Variants in TC2N observed in about 807,000 individuals in gnomAD.
The protein encoded by TC2N is tandem C2 domains, nuclear.
Under a neutral mutation model 61.9 loss-of-function variants are expected in TC2N, and 51 were observed. The ratio of observed to expected loss-of-function variants is 0.82; its 90% confidence interval spans 0.66 to 1.04. The LOEUF (loss-of-function observed/expected upper bound fraction) is 1.04. TC2N is among the 50% of genes least tolerant of loss of function. The pLI is 0.00. For missense variants in TC2N, 556 were observed against 566.7 expected (o/e 0.98, Z 0.19); for synonymous variants, 204 against 192.6 (o/e 1.06, Z -0.49).
At chr14:91,828,297 C>T (rs1026143176) in intron 1 of TC2N, among the ~76,000 whole-genome samples, 1 of 152,012 alleles carries the variant, frequency 6.6e-6, no homozygotes, top group Non-Finnish European at 1.5e-5. Flanking sequence ...AACTCATAGT[C>T]AAACTTTTTT....
At chr14:91,835,108 C>T (rs908614591) in intron 1 of TC2N, among the ~76,000 whole-genome samples, 2 of 152,244 alleles carry the variant, frequency 1.3e-5, no homozygotes, top group Middle Eastern at 3.4e-3. Flanking sequence ...AATTATAATT[C>T]ATATGAAGTC....
At chr14:91,860,318 A>T (rs1566792067) in intron 1 of TC2N, among the ~76,000 whole-genome samples, 2 of 147,348 alleles carry the variant, frequency 1.4e-5, no homozygotes, top group Non-Finnish European at 3.0e-5. Context: ...GAAGGGGGGA[A>T]ATCATTTCCT....
intron 9 of TC2N, among the ~76,000 whole-genome samples, chr14:91,791,042 A>AG (rs1283355553): frequency 6.6e-6 from 1 of 151,058 alleles, no homozygotes; most frequent in East Asian, 1.9e-4. Context: ...CTGACATGGG[A>AG]GGATTGCTTG....
chr14:91,824,950 G>A (rs186737828), intron 1 of TC2N, among the ~76,000 whole-genome samples: 2 of 151,920 alleles, frequency 1.3e-5, no homozygotes, highest in African/African-American at 4.8e-5. Flanking sequence ...TAGTTAGCAG[G>A]TGAACTGTGA....
chr14:91,836,448 G>C (rs1595269747), intron 1 of TC2N: 1 of 152,336 alleles, frequency 6.6e-6, no homozygotes, highest in East Asian at 1.9e-4. Flanking sequence ...GCCGCGCCTC[G>C]AGGTCCTGCC....
At chr14:91,821,442 C>A (rs914837136) in intron 1 of TC2N, among the ~76,000 whole-genome samples, 2 of 151,620 alleles carry the variant, frequency 1.3e-5, no homozygotes, top group Non-Finnish European at 2.9e-5. Flanking sequence ...TATCCACATG[C>A]CCTTCCCACA....
At chr14:91,823,861 T>G (rs1437762011) in intron 1 of TC2N, among the ~76,000 whole-genome samples, 1 of 152,208 alleles carries the variant, frequency 6.6e-6, no homozygotes, top group African/African-American at 2.4e-5. Flanking sequence ...ACTTAACCTT[T>G]TTAACCTTCA....
chr14:91,865,887 A>G (rs1201565380), intron 1 of TC2N, among the ~76,000 whole-genome samples: 1 of 152,276 alleles, frequency 6.6e-6, no homozygotes, highest in East Asian at 1.9e-4. Flanking sequence ...TTAAAAAGTT[A>G]TTAAAGTTTT....
chr14:91,838,340 C>A (rs1476357164), intron 1 of TC2N, among the ~76,000 whole-genome samples: 1 of 151,936 alleles, frequency 6.6e-6, no homozygotes, highest in African/African-American at 2.4e-5. Flanking sequence ...GAGACAGGGT[C>A]ATGCTTTGCT....
At chr14:91,788,284 T>C (rs1412812323) in intron 9 of TC2N, among the ~76,000 whole-genome samples, 2 of 152,202 alleles carry the variant, frequency 1.3e-5, no homozygotes, top group Non-Finnish European at 2.9e-5. Context: ...TGTTCTTCAG[T>C]ACTGCTGACC....
intron 1 of TC2N, among the ~76,000 whole-genome samples, chr14:91,821,178 T>C (rs1044120050): frequency 1.3e-4 from 20 of 151,548 alleles, no homozygotes; most frequent in Non-Finnish European, 2.5e-4. Flanking sequence ...AAAACAATCT[T>C]GGGGAAAAAA....
chr14:91,799,744 T>G (rs1159030585), intron 5 of TC2N, among the ~76,000 whole-genome samples: 1 of 152,136 alleles, frequency 6.6e-6, no homozygotes, highest in Non-Finnish European at 1.5e-5. Context: ...TTGCACTTAC[T>G]CTGAGTTATA....
At chr14:91,856,115 CA>C (rs1200288769) in intron 1 of TC2N, among the ~76,000 whole-genome samples, 2 of 152,052 alleles carry the variant, frequency 1.3e-5, no homozygotes, top group African/African-American at 4.8e-5. Flanking sequence ...TGAAGAGAGA[CA>C]AGGAAACGAA....
intron 1 of TC2N, among the ~76,000 whole-genome samples, chr14:91,843,335 C>T (rs1888200721): frequency 6.6e-6 from 1 of 152,048 alleles, no homozygotes; most frequent in Non-Finnish European, 1.5e-5. Context: ...CCCATCATGA[C>T]CCCAGAGTTC....
At chr14:91,785,088 T>C in intron 11 of TC2N, 74 bp downstream of exon 11, 2 of 1,004,662 alleles carry the variant, frequency 2.0e-6, no homozygotes, top group Middle Eastern at 2.3e-4. Context: ...TTTAATATTA[T>C]CCTGTATTCC....
intron 1 of TC2N, among the ~76,000 whole-genome samples, chr14:91,850,716 A>G (rs1288917100): frequency 6.6e-6 from 1 of 152,216 alleles, no homozygotes. Flanking sequence ...GCAGATCATG[A>G]GGTCAGGAGT....
At chr14:91,789,401 G>C (rs1885528916) in intron 9 of TC2N, among the ~76,000 whole-genome samples, 1 of 151,336 alleles carries the variant, frequency 6.6e-6, no homozygotes, top group African/African-American at 2.4e-5. Context: ...AGACCACCCT[G>C]GCTAACACGG....
intron 1 of TC2N, among the ~76,000 whole-genome samples, chr14:91,821,965 T>C (rs1217803627): frequency 6.6e-6 from 1 of 152,096 alleles, no homozygotes; most frequent in Non-Finnish European, 1.5e-5. Flanking sequence ...ACAATATACA[T>C]TGATTAAAAA....
At chr14:91,796,632 A>G (rs1885911920) in intron 8 of TC2N, among the ~76,000 whole-genome samples, 1 of 152,162 alleles carries the variant, frequency 6.6e-6, no homozygotes, top group African/African-American at 2.4e-5. Flanking sequence ...GTATAATGCC[A>G]TGTGAAGACA....
Sources: allele counts gnomAD v4.1 joint callset (sites outside exome capture counted in the v4.1 genomes callset), GRCh38; gene constraint gnomAD v4.1.1; transcripts MANE v1.5; gene names NCBI Gene and HGNC (gene_info 2026-07-23, HGNC 2026-07-21).